Variants in GABPA observed in about 807,000 individuals in gnomAD.
The protein encoded by GABPA is GA binding protein transcription factor subunit alpha.
GABPA carries 4 observed loss-of-function variants against 59.4 expected under a neutral mutation model. The observed-to-expected ratio is 0.07, with a 90% CI of 0.03 to 0.15. GABPA has a LOEUF of 0.15. GABPA is among the 10% of genes least tolerant of loss of function. The pLI is 1.00. For synonymous variants in GABPA, 164 were observed against 183.1 expected, an observed-to-expected ratio of 0.90 and a Z score of 0.84; for missense variants, 251 against 543.8, an observed-to-expected ratio of 0.46 and a Z score of 5.36.
chr21:25,752,492 T>C (rs547787034), intron 5 of GABPA: 158 of 425,660 alleles, frequency 3.7e-4, no homozygotes, highest in African/African-American at 2.9e-3. Flanking sequence ...AGAGAGAAGA[T>C]AGATGAAAAG....
intron 1 of GABPA, among the ~76,000 whole-genome samples, chr21:25,738,063 T>G (rs2035125979): frequency 6.6e-6 from 1 of 152,192 alleles, no homozygotes; most frequent in Admixed American, 6.5e-5. Context: ...GAATGCTTAG[T>G]TAGGGATGAA....
At chr21:25,760,688 T>C (rs1201929497) in intron 6 of GABPA, among the ~76,000 whole-genome samples, 1 of 152,144 alleles carries the variant, frequency 6.6e-6, no homozygotes, top group Non-Finnish European at 1.5e-5. Context: ...AAAATAATTG[T>C]TTTATTCCTG....
At chr21:25,762,068 T>A (rs2035777313) in intron 6 of GABPA, among the ~76,000 whole-genome samples, 1 of 152,204 alleles carries the variant, frequency 6.6e-6, no homozygotes, top group East Asian at 1.9e-4. Flanking sequence ...TCTGCAGAAC[T>A]TTACTGAACA....
intron 9 of GABPA, among the ~76,000 whole-genome samples, chr21:25,765,254 A>G (rs1161190933): frequency 1.3e-5 from 2 of 152,070 alleles, no homozygotes; most frequent in Non-Finnish European, 2.9e-5. Context: ...ACTATCAGAA[A>G]TTATGCCTAC....
intron 1 of GABPA, among the ~76,000 whole-genome samples, chr21:25,739,936 C>T (rs1233140466): frequency 6.6e-6 from 1 of 152,146 alleles, no homozygotes; most frequent in Non-Finnish European, 1.5e-5. Flanking sequence ...GTTTTAAAAA[C>T]GATCACACTC....
chr21:25,756,377 T>C (rs2035637280), intron 5 of GABPA, among the ~76,000 whole-genome samples: 1 of 152,174 alleles, frequency 6.6e-6, no homozygotes, highest in African/African-American at 2.4e-5. Flanking sequence ...CTCTTTCCTT[T>C]TCCTTGGCGT....
chr21:25,740,520 A>G (rs1024212114), intron 1 of GABPA, among the ~76,000 whole-genome samples: 1 of 152,246 alleles, frequency 6.6e-6, no homozygotes, highest in Non-Finnish European at 1.5e-5. Flanking sequence ...ACTTAACAGT[A>G]TTAACACCTC....
At chr21:25,744,775 A>C (rs185513063) in intron 2 of GABPA, among the ~76,000 whole-genome samples, 1 of 151,966 alleles carries the variant, frequency 6.6e-6, no homozygotes, top group Non-Finnish European at 1.5e-5. Flanking sequence ...AACTTATTCT[A>C]TTTTTATATC....
Position 25,770,794 on chromosome 21 carries a change from G to C in GABPA, c.*1562G>C, listed in dbSNP as rs1278654760. 2 of 152,058 alleles carry C rather than the reference G, an allele frequency of 1.3e-5. No homozygotes were observed. The highest frequency in any genetic ancestry group is 4.8e-5 in the African/African-American group (2 of 41,446). The allele number at this position is 152,058 out of a possible 1,614,324, so 9.4% of individuals were successfully genotyped here. ...TCTTAAGGACAAGGAAGAGAAGAGA[G>C]AGAGGGAGGGATCTTTGATCTCTTT... On this transcript the variant is annotated 3_prime_UTR_variant, in exon 10 of 10. Transcript: ENST00000400075.
rs563841443 is a variant in GABPA at position 25,768,428 on chromosome 21, T to A, written c.1137-576T>A. On this transcript the variant is annotated intron_variant, in intron 9 of 9. Transcript: ENST00000400075. Reference sequence around the variant, plus strand: ...TTTACAAGACAGAAAAGAAGTGGAATATATGTATTAATTTTTTTTATATTA... The same window carrying A: ...TTTACAAGACAGAAAAGAAGTGGAAAATATGTATTAATTTTTTTTATATTA... Among the ~76,000 whole-genome samples the A allele has an allele frequency of 1.5e-4, 23 of 152,134 alleles. 1 individual carries two copies. In the South Asian group the frequency reaches 4.8e-3, roughly 32 times the overall value.
chr21:25,772,023 A>T lies in GABPA; in HGVS notation c.*2791A>T, dbSNP rs1237125574. On this transcript the variant is annotated 3_prime_UTR_variant, in exon 10 of 10. Transcript: ENST00000400075. ...TCAAGTATGATACAAAAAGAATTGT[A>T]CCACCAAATATTTTTGTGAGGTCTG... 3.3e-5 allele frequency: 5 copies of T among 152,114 alleles called. No homozygotes were observed. The highest frequency in any genetic ancestry group is 5.9e-5 in the Non-Finnish European group (4 of 67,928). 9.4% of individuals were successfully genotyped at this position (152,114 alleles called of 1,614,324 possible). A position where few individuals can be genotyped will look rare whatever the true frequency, so the allele number is the denominator to read the frequency against.
At chr21:25,744,133 A>T (rs1328225722) in intron 2 of GABPA, among the ~76,000 whole-genome samples, 2 of 151,832 alleles carry the variant, frequency 1.3e-5, no homozygotes, top group Non-Finnish European at 2.9e-5. Context: ...TTAACAAATA[A>T]CAATAGTAGA....
At chr21:25,762,659 C>T (rs1467579474) in intron 7 of GABPA, among the ~76,000 whole-genome samples, 2 of 152,124 alleles carry the variant, frequency 1.3e-5, no homozygotes, top group Non-Finnish European at 2.9e-5. Flanking sequence ...ACAATTCTAA[C>T]CACATTCATA....
intron 1 of GABPA, among the ~76,000 whole-genome samples, chr21:25,736,370 G>A (rs958655110): frequency 5.9e-5 from 9 of 152,224 alleles, no homozygotes; most frequent in African/African-American, 1.9e-4. Context: ...GCGAATTGTA[G>A]AACGAGGCGG....
At position 25,771,503 on chromosome 21, in the gene GABPA, G is replaced by T. The variant is rs887138306; in HGVS notation, c.*2271G>T. The stretch of plus-strand genomic sequence containing the variant: ...ATAGGTAATGTGACTAATTTCTCCA[G>T]TTGATTCAAGAAACTCATTACTTTG... On this transcript the variant is annotated 3_prime_UTR_variant, in exon 10 of 10. Transcript: ENST00000400075. The T allele has an allele frequency of 6.6e-6, 1 of 151,276 alleles. No individual in the cohort carries two copies. The highest frequency in any genetic ancestry group is 1.5e-5 in the Non-Finnish European group (1 of 67,732). The allele number at this position is 151,276 out of a possible 1,614,324, so 9.4% of individuals were successfully genotyped here. A position where few individuals can be genotyped will look rare whatever the true frequency, so the allele number is the denominator to read the frequency against.
At chr21:25,744,523 A>G (rs1357083294) in intron 2 of GABPA, among the ~76,000 whole-genome samples, 1 of 152,220 alleles carries the variant, frequency 6.6e-6, no homozygotes. Context: ...ATTGAATTCC[A>G]CATTCACCAA....
chr21:25,746,137 G>A (rs1482040639), intron 3 of GABPA, among the ~76,000 whole-genome samples: 4 of 151,780 alleles, frequency 2.6e-5, no homozygotes. Context: ...TCAGCCTCCT[G>A]AGTAGCTGGG....
At chr21:25,754,555 A>G (rs1297122243) in intron 5 of GABPA, among the ~76,000 whole-genome samples, 1 of 151,970 alleles carries the variant, frequency 6.6e-6, no homozygotes, top group Non-Finnish European at 1.5e-5. Context: ...TTTCTGTAGC[A>G]TTCTGATCTT....
intron 4 of GABPA, among the ~76,000 whole-genome samples, chr21:25,750,923 G>T (rs887341927): frequency 6.6e-6 from 1 of 152,148 alleles, no homozygotes; most frequent in Non-Finnish European, 1.5e-5. Context: ...TTTGAAAAAT[G>T]ATTCTCTTTA....
Sources: gnomAD v4.1 joint callset for allele counts (sites outside exome capture counted in the v4.1 genomes callset) on GRCh38, gnomAD v4.1.1 for gene constraint, MANE v1.5 for transcripts, NCBI Gene and HGNC (gene_info 2026-07-23, HGNC 2026-07-21) for gene names.